ATL2: variants seen among roughly 807,000 people sequenced by gnomAD.
ATL2 encodes atlastin-2.
In ATL2, 31 loss-of-function variants were observed where a neutral mutation model predicts 73.9. The observed-to-expected ratio is 0.42, with a 90% CI of 0.32 to 0.57. ATL2 has a LOEUF of 0.57. Among genes scored for constraint, ATL2 ranks in the 20% least tolerant of loss-of-function variants. The probability of loss-of-function intolerance (pLI) is 0.14; values close to 1 mark genes in which losing one functional copy is unlikely to be tolerated. For synonymous variants in ATL2, 291 were observed against 237.5 expected (o/e 1.23, Z -2.07); for missense variants, 738 against 702.6 (o/e 1.05, Z -0.57).
At position 38,300,281 on chromosome 2, in the gene ATL2, G is replaced by A; in HGVS notation, c.1119C>T (p.Ser373=). 1 of 1,601,602 alleles carries A rather than the reference G, an allele frequency of 6.2e-7. No individual in the cohort carries two copies. The highest frequency in any genetic ancestry group is 8.6e-7 in the Non-Finnish European group (1 of 1,169,308). Residue 373 remains serine, a synonymous_variant, in exon 10 of 13, where the codon TCC becomes TCT. Transcript: ENST00000378954. The part of the protein sequence containing the change: ...YQGEELPHPK[S]MLQATAEANN... ...CTCTCTCTCTCTCTACCTGAAGCAT[G>A]GACTTTGGATGTGGAAGTTCTTCTC...
chr2:38,364,591 A>T (rs1397280348), intron 1 of ATL2, among the ~76,000 whole-genome samples: 3 of 152,280 alleles, frequency 2.0e-5, no homozygotes, highest in African/African-American at 7.2e-5. Context: ...ATGCCTTATA[A>T]AACGACAATG....
rs1159207400 is a variant in ATL2, at chr2:38,298,137, T to C, written c.1632+7A>G. 1.2e-6 allele frequency: 2 copies of C among 1,601,994 alleles called. No homozygotes were observed. Among genetic ancestry groups the C allele is most frequent in the Admixed American group, 3.4e-5 (2 of 58,586 alleles). On this transcript the variant is annotated splice_region_variant and intron_variant, in intron 12 of 12. Transcript: ENST00000378954. Reference sequence around the variant, plus strand: ...AGTCACTAAAAAACCAAAAGATAGATACCAACCTGTTCCCATAGTGTTTCA... The same window carrying C: ...AGTCACTAAAAAACCAAAAGATAGACACCAACCTGTTCCCATAGTGTTTCA...
intron 1 of ATL2, among the ~76,000 whole-genome samples, chr2:38,368,487 G>C (rs1290896930): frequency 1.3e-5 from 2 of 151,718 alleles, no homozygotes; most frequent in East Asian, 1.9e-4. Context: ...CCCCACCTCA[G>C]GTGATCCGCC....
intron 1 of ATL2, 75 bp downstream of exon 1, chr2:38,377,068 C>T (rs1396990965): frequency 2.3e-5 from 32 of 1,422,150 alleles, no homozygotes; most frequent in African/African-American, 6.0e-5. Flanking sequence ...CCGCCTGCGG[C>T]CGGTGCCCGC....
rs1304257048 is a variant in ATL2, at chr2:38,354,870, A to C, written c.119-11358T>G. Among the ~76,000 whole-genome samples, 3 of 152,198 alleles carry C rather than the reference A, an allele frequency of 2.0e-5. No homozygotes were observed. In the East Asian group the frequency reaches 5.8e-4, roughly 29 times the overall value. On this transcript the variant is annotated intron_variant, in intron 1 of 12. Transcript: ENST00000378954. ...GTGCCATTGCACTCCAACCTGGGTA[A>C]GAAGAGCGAAACTCTTTCTCAAAAA...
intron 2 of ATL2, among the ~76,000 whole-genome samples, chr2:38,341,448 A>T (rs1358236461): frequency 6.6e-6 from 1 of 152,094 alleles, no homozygotes; most frequent in Admixed American, 6.6e-5. Context: ...ACCAGCCTGG[A>T]CAACATAGTG....
At chr2:38,357,274 G>A (rs994052955) in intron 1 of ATL2, among the ~76,000 whole-genome samples, 2 of 152,210 alleles carry the variant, frequency 1.3e-5, no homozygotes, top group Admixed American at 6.5e-5. Flanking sequence ...GTTGCAGAGA[G>A]CCAAGATCAC....
chr2:38,298,376 T>G lies in ATL2; in HGVS notation c.1400A>C (p.Asn467Thr), dbSNP rs1394361092. 6.2e-7 allele frequency: 1 copy of G among 1,614,072 alleles called. No individual in the cohort carries two copies. Among genetic ancestry groups the G allele is most frequent in the Non-Finnish European group, 8.5e-7 (1 of 1,180,024 alleles). Residue 467 changes from asparagine to threonine, a missense_variant, in exon 12 of 13, where the codon AAT becomes ACT. Asn to Thr is a moderately conservative substitution (Grantham distance 65, BLOSUM62 0). Transcript: ENST00000378954. ...ANFIKHNDGK[N>T]IFYAARTPAT... ...TGGGGTACGAGCAGCATAGAAGATA[T>G]TTTTGCCATCATTGTGCTTTATAAA... is the stretch of plus-strand genomic sequence containing the variant.
intron 1 of ATL2, among the ~76,000 whole-genome samples, chr2:38,364,835 G>A (rs1233226375): frequency 6.6e-6 from 1 of 152,042 alleles, no homozygotes; most frequent in Non-Finnish European, 1.5e-5. Flanking sequence ...ACGAGGTCAG[G>A]AGATTGAGAC....
At chr2:38,375,997 C>T in intron 1 of ATL2, 1 of 1,249,940 alleles carries the variant, frequency 8.0e-7, no homozygotes, top group South Asian at 2.5e-5. Flanking sequence ...TGGTTAACAT[C>T]ATACCAAAAT....
chr2:38,323,681 C>T (rs1384721817), intron 2 of ATL2, among the ~76,000 whole-genome samples: 1 of 152,008 alleles, frequency 6.6e-6, no homozygotes, highest in Non-Finnish European at 1.5e-5. Context: ...ACTATGTAAC[C>T]ATTTATTTAG....
intron 1 of ATL2, among the ~76,000 whole-genome samples, chr2:38,361,815 A>G (rs1671031635): frequency 6.6e-6 from 1 of 152,128 alleles, no homozygotes; most frequent in Admixed American, 6.5e-5. Context: ...CCTCTCAACA[A>G]CCCAGTAACT....
At chr2:38,326,203 GAC>G (rs1407043389) in intron 2 of ATL2, among the ~76,000 whole-genome samples, 1 of 152,180 alleles carries the variant, frequency 6.6e-6, no homozygotes, top group Non-Finnish European at 1.5e-5. Flanking sequence ...AAAGCTGCAA[GAC>G]ACAGATTTTG....
intron 2 of ATL2, among the ~76,000 whole-genome samples, chr2:38,334,774 T>C (rs551297980): frequency 1.3e-5 from 2 of 148,280 alleles, no homozygotes; most frequent in Non-Finnish European, 3.0e-5. Context: ...AATATAAAAT[T>C]CAAATTATCA....
chr2:38,362,430 C>T (rs28654150), intron 1 of ATL2, among the ~76,000 whole-genome samples: 18,600 of 152,144 alleles, frequency 0.12, 3,359 homozygotes, highest in African/African-American at 0.4. Flanking sequence ...ACAGCCACAC[C>T]GTACAACAGT....
chr2:38,343,459 G>C lies in ATL2; in HGVS notation c.172C>G (p.Pro58Ala). 2 of 1,610,736 alleles carry C rather than the reference G, an allele frequency of 1.2e-6. No homozygotes were observed. The highest frequency in any genetic ancestry group is 1.7e-6 in the Non-Finnish European group (2 of 1,178,002). The change falls in exon 2 of 13, where the codon CCA becomes GCA. Residue 58 changes from proline (P) to alanine (A), a missense_variant. Pro to Ala is a conservative substitution (Grantham distance 27). Transcript: ENST00000378954. ...GCAAGAACAATCTGTACTGGACATG[G>C]TTTCTTCATAACCTCATCAGAATTT... ...LVNSDEVMKK[P>A]CPVQIVLAHE...
At chr2:38,364,721 T>C (rs1449709376) in intron 1 of ATL2, among the ~76,000 whole-genome samples, 2 of 152,178 alleles carry the variant, frequency 1.3e-5, no homozygotes, top group African/African-American at 4.8e-5. Context: ...CTCAGGCATA[T>C]AGTTTAAGAA....
intron 2 of ATL2, among the ~76,000 whole-genome samples, chr2:38,334,878 TTATATAA>T (rs983995163): frequency 5.2e-5 from 7 of 134,780 alleles, no homozygotes; most frequent in East Asian, 4.1e-4. Flanking sequence ...ATAATATATA[TTATATAA>T]TATATAATAT....
rs1573471985 is a variant in ATL2, at chr2:38,320,245, T to C, written c.364-1226A>G. On this transcript the variant is annotated intron_variant, in intron 2 of 12. Coordinates refer to ENST00000378954, the MANE Select transcript of ATL2 (RefSeq NM_001135673.4). ...AACCCAAACTGGTTATCTCATTAGA[T>C]GGTGTTAAATTAGGGTAAGGAAGAT... is the stretch of plus-strand genomic sequence containing the variant. 5.3e-5 allele frequency among the ~76,000 whole-genome samples: 8 copies of C among 152,264 alleles called. 1 individual carries two copies. Among genetic ancestry groups the C allele is most frequent in the Admixed American group, 5.2e-4 (8 of 15,294 alleles).
Sources: allele counts gnomAD v4.1 joint callset (sites outside exome capture counted in the v4.1 genomes callset), GRCh38; gene constraint gnomAD v4.1.1; transcripts MANE v1.5; gene names NCBI Gene and HGNC (gene_info 2026-07-23, HGNC 2026-07-21).